TLL1: variants seen among roughly 807,000 people sequenced by gnomAD.
The protein encoded by TLL1 is tolloid like 1, also known as tolloid-like protein 1.
Under a neutral mutation model 128.2 loss-of-function variants are expected in TLL1, and 49 were observed. That is an observed-to-expected ratio of 0.38 (90% confidence interval 0.30 to 0.48). The LOEUF (loss-of-function observed/expected upper bound fraction) is 0.48. TLL1 is among the 20% of genes least tolerant of loss of function. The pLI is 0.96. For missense variants in TLL1, 1,123 were observed against 1,242.0 expected, an observed-to-expected ratio of 0.90 and a Z score of 1.44; for synonymous variants, 454 against 418.8, an observed-to-expected ratio of 1.08 and a Z score of -1.03.
At chr4:165,994,275 T>C (rs1009446924) in intron 3 of TLL1, 106 bp from the exon 4 acceptor site, 5 of 1,369,576 alleles carry the variant, frequency 3.7e-6, no homozygotes, top group Non-Finnish European at 5.1e-6. Flanking sequence ...CTGGCATTTA[T>C]ACAAAAAATA....
Position 166,091,263 on chromosome 4 carries a change from A to G in TLL1, c.2578A>G (p.Thr860Ala). The change falls in exon 19 of 21, where the codon ACT (threonine) becomes GCT (alanine). Residue 860 changes from threonine (T) to alanine (A), a missense_variant. Thr to Ala is a moderately conservative substitution (Grantham distance 58). This residue lies in a region of TLL1 where 634 missense variants were observed against 672.4 expected (regional missense o/e 0.94). Transcript: ENST00000061240. Reference protein sequence around the residue: ...GNKIPDPLVATGNKMFVRFVS... With the variant: ...GNKIPDPLVAAGNKMFVRFVS... ...CAAGATACCAGATCCCCTTGTGGCT[A>G]CTGGAAATAAAATGTTTGTTCGGTT... is the stretch of plus-strand genomic sequence containing the variant. The G allele has an allele frequency of 1.9e-6, 3 of 1,613,224 alleles. No homozygotes were observed. Among genetic ancestry groups the G allele is most frequent in the Non-Finnish European group, 2.5e-6 (3 of 1,179,474 alleles).
chr4:165,873,984 T>A lies in TLL1; in HGVS notation c.80T>A (p.Val27Asp). 6.2e-7 allele frequency: 1 copy of A among 1,614,036 alleles called. No homozygotes were observed. ...SGIVFYGELW[V>D]CAGLDYDYTF... is the part of the protein sequence containing the mutation. ...ATTGTTTTCTACGGGGAGCTATGGG[T>A]CTGCGCTGGCCTCGATTATGATTAC... The change falls in exon 1 of 21, where the codon GTC becomes GAC. Residue 27 changes from valine to aspartate, a missense_variant. Val to Asp is a radical substitution (Grantham distance 152). This residue lies in a region of TLL1 where 480 missense variants were observed against 542.4 expected (regional missense o/e 0.89). Coordinates refer to ENST00000061240, the MANE Select transcript of TLL1 (RefSeq NM_012464.5).
At chr4:166,082,274 T>C (rs1377234748) in intron 18 of TLL1, among the ~76,000 whole-genome samples, 2 of 152,144 alleles carry the variant, frequency 1.3e-5, no homozygotes, top group East Asian at 3.9e-4. Context: ...TGGATCATAT[T>C]CATATAAAAC....
intron 17 of TLL1, 33 bp downstream of exon 17, chr4:166,075,036 T>C (rs780580636): frequency 2.5e-6 from 4 of 1,610,762 alleles, no homozygotes; most frequent in Middle Eastern, 1.7e-4. Flanking sequence ...TTTGACAACA[T>C]GTAGAATTTC....
At chr4:165,926,739 G>A (rs141503342) in intron 1 of TLL1, among the ~76,000 whole-genome samples, 1 of 152,052 alleles carries the variant, frequency 6.6e-6, no homozygotes, top group African/African-American at 2.4e-5. Flanking sequence ...CCAAAGTCAG[G>A]AGCTAGAAGC....
chr4:166,053,081 A>T (rs557954656), intron 12 of TLL1: 39 of 150,806 alleles, frequency 2.6e-4, no homozygotes, highest in Non-Finnish European at 1.3e-4. Context: ...TTTTCCATTT[A>T]TTCCCATAAT....
intron 19 of TLL1, among the ~76,000 whole-genome samples, chr4:166,096,324 C>T (rs905417519): frequency 3.4e-5 from 5 of 148,086 alleles, no homozygotes; most frequent in South Asian, 2.1e-4. Context: ...AACAGATAAA[C>T]GAAAGCAGAA....
intron 5 of TLL1, among the ~76,000 whole-genome samples, chr4:165,999,702 G>C (rs1267056549): frequency 6.7e-6 from 1 of 148,690 alleles, no homozygotes; most frequent in African/African-American, 2.5e-5. Flanking sequence ...TCAAACTCTT[G>C]GGCTCAAGTG....
intron 20 of TLL1, 57 bp downstream of exon 20, chr4:166,099,584 T>C (rs1742196441): frequency 1.2e-6 from 2 of 1,607,584 alleles, no homozygotes; most frequent in African/African-American, 2.7e-5. Context: ...TATTGATTCA[T>C]GATTGATATG....
chr4:165,990,585 ATG>A (rs935772828), intron 2 of TLL1, among the ~76,000 whole-genome samples: 3 of 151,564 alleles, frequency 2.0e-5, no homozygotes, highest in African/African-American at 7.3e-5. Context: ...TTTTCACTGA[ATG>A]TGTGTGTGTG....
chr4:166,035,951 C>T (rs968713885), intron 9 of TLL1, among the ~76,000 whole-genome samples: 1 of 152,166 alleles, frequency 6.6e-6, no homozygotes, highest in African/African-American at 2.4e-5. Context: ...AATATCGCCA[C>T]TCTGGAAAGT....
chr4:165,996,454 CA>C (rs1202609054), intron 5 of TLL1, among the ~76,000 whole-genome samples: 1 of 151,998 alleles, frequency 6.6e-6, no homozygotes, highest in Admixed American at 6.6e-5. Flanking sequence ...ACTAAAAATA[CA>C]AAAATTAGCC....
chr4:165,933,883 G>A (rs1464029003), intron 1 of TLL1, among the ~76,000 whole-genome samples: 2 of 152,148 alleles, frequency 1.3e-5, no homozygotes, highest in African/African-American at 4.8e-5. Context: ...ACATTTGAAT[G>A]AGTCCTCTGC....
At chr4:165,938,362 G>C (rs1733857280) in intron 1 of TLL1, among the ~76,000 whole-genome samples, 1 of 152,078 alleles carries the variant, frequency 6.6e-6, no homozygotes, top group Non-Finnish European at 1.5e-5. Context: ...TTCTCAAACA[G>C]GTGCCTTAGT....
At chr4:165,874,147 G>A in intron 1 of TLL1, 74 bp downstream of exon 1, 1 of 1,570,924 alleles carries the variant, frequency 6.4e-7, no homozygotes, top group South Asian at 1.1e-5. Context: ...GTGGCGGTGG[G>A]AGCTCACCTG....
chr4:165,980,564 C>T lies in TLL1; in HGVS notation c.170-8817C>T, dbSNP rs554139586. Among the ~76,000 whole-genome samples the T allele has an allele frequency of 9.6e-4, 146 of 152,064 alleles. 1 individual carries two copies. Among genetic ancestry groups the T allele is most frequent in the Non-Finnish European group, 1.6e-3 (109 of 68,006 alleles). On this transcript the variant is annotated intron_variant, in intron 1 of 20. Coordinates refer to ENST00000061240, the MANE Select transcript of TLL1 (RefSeq NM_012464.5). ...ATAACTCAGAGTTGTATGTAGTTAG[C>T]ACCAAATGTACAGAACTGGTAAAAC...
chr4:165,959,029 C>T (rs1388965059), intron 1 of TLL1, among the ~76,000 whole-genome samples: 1,603 of 138,094 alleles, frequency 0.012, 26 homozygotes, highest in African/African-American at 0.04. Context: ...TGTAGATATG[C>T]GGCGTTATTT....
At chr4:166,016,039 A>G (rs1281931113) in intron 8 of TLL1, among the ~76,000 whole-genome samples, 1 of 151,962 alleles carries the variant, frequency 6.6e-6, no homozygotes, top group African/African-American at 2.4e-5. Context: ...ATGTCTGCCT[A>G]ATTTTTCCAT....
At position 166,025,420 on chromosome 4, in the gene TLL1, C is replaced by G; in HGVS notation, c.1147C>G (p.Pro383Ala). The G allele has an allele frequency of 6.2e-7, 1 of 1,610,468 alleles. No homozygotes were observed. Among genetic ancestry groups the G allele is most frequent in the Non-Finnish European group, 8.5e-7 (1 of 1,176,802 alleles). Residue 383 changes from proline (P) to alanine (A), a missense_variant, in exon 9 of 21, where the codon CCA (proline) becomes GCA (alanine). By Grantham distance (27) the Pro-to-Ala change is conservative. Transcript: ENST00000061240. ...CTGCATCTGGAGAGTTTCTGTGACC[C>G]CAGGGGAGAAGGTAGTTTATACCGT... ...THCIWRVSVT[P>A]GEKIVLNFTT...
Sources: allele counts gnomAD v4.1 joint callset (sites outside exome capture counted in the v4.1 genomes callset), GRCh38; gene constraint gnomAD v4.1.1; regional missense constraint gnomAD v4.1.1; transcripts MANE v1.5; gene names NCBI Gene and HGNC (gene_info 2026-07-23, HGNC 2026-07-21).